The following CENPC variants were observed in gnomAD, a reference collection of about 807,000 sequenced individuals.
CENPC encodes CENP-C 1.
A neutral mutation model predicts 112.1 loss-of-function variants in CENPC; 63 were observed. The ratio of observed to expected loss-of-function variants is 0.56; its 90% CI spans 0.46 to 0.69. The LOEUF (loss-of-function observed/expected upper bound fraction) is 0.69, where lower values mean the gene tolerates loss of function less well. Ranked by LOEUF, CENPC falls within the 30% of genes least tolerant of loss-of-function variation. CENPC has a pLI of 0.00. For missense variants in CENPC, 1,000 were observed against 1,103.8 expected (o/e 0.91, Z 1.33); for synonymous variants, 333 against 367.6 (o/e 0.91, Z 1.08).
chr4:67,522,621 A>G (rs867710057), intron 5 of CENPC, among the ~76,000 whole-genome samples: 1 of 152,206 alleles, frequency 6.6e-6, no homozygotes, highest in Non-Finnish European at 1.5e-5. Context: ...AATCACATGT[A>G]TTACATATGC....
chr4:67,493,230 C>T (rs1179825052), intron 14 of CENPC, among the ~76,000 whole-genome samples: 1 of 151,376 alleles, frequency 6.6e-6, no homozygotes, highest in Non-Finnish European at 1.5e-5. Flanking sequence ...TCCTATTGCT[C>T]CCCTGAAATC....
chr4:67,543,499 T>A (rs1179180462), intron 2 of CENPC, among the ~76,000 whole-genome samples: 2 of 152,302 alleles, frequency 1.3e-5, no homozygotes, highest in East Asian at 3.9e-4. Flanking sequence ...GATACACAAG[T>A]CATTACTTCA....
intron 4 of CENPC, among the ~76,000 whole-genome samples, chr4:67,536,018 C>T (rs1578007368): frequency 6.6e-6 from 1 of 151,930 alleles, no homozygotes; most frequent in African/African-American, 2.4e-5. Flanking sequence ...AATCAATCTT[C>T]CAACAAATTA....
At chr4:67,476,670 T>C (rs896196645) in intron 17 of CENPC, among the ~76,000 whole-genome samples, 9 of 152,124 alleles carry the variant, frequency 5.9e-5, no homozygotes, top group African/African-American at 1.7e-4. Context: ...CTGGGCAGAA[T>C]TGGGGGAAGG....
In CENPC at chr4:67,514,182, T is replaced by C; in HGVS notation, c.1336A>G (p.Thr446Ala). Reference protein sequence around the residue: ...VGQSKDENIHTSHITQDEFQR... With the variant: ...VGQSKDENIHASHITQDEFQR... The stretch of plus-strand genomic sequence containing the variant: ...AATTCGTCTTGGGTAATATGTGATG[T>C]ATGTATGTTTTCATCTTTAGACTGT... Residue 446 changes from threonine to alanine, a missense_variant, in exon 8 of 19, where the codon ACA (threonine) becomes GCA (alanine). Transcript: ENST00000273853. The C allele has an allele frequency of 6.2e-7, 1 of 1,612,912 alleles. No individual in the cohort carries two copies.
At chr4:67,483,869 CAA>C (rs1279899127) in intron 17 of CENPC, among the ~76,000 whole-genome samples, 4 of 151,846 alleles carry the variant, frequency 2.6e-5, no homozygotes, top group Non-Finnish European at 4.4e-5. Flanking sequence ...TTAAGTATTA[CAA>C]AAGAGTCCAA....
intron 18 of CENPC, among the ~76,000 whole-genome samples, chr4:67,474,009 G>A (rs1234955069): frequency 6.6e-6 from 1 of 152,090 alleles, no homozygotes; most frequent in African/African-American, 2.4e-5. Context: ...AGATAACATG[G>A]GGTAAATAAT....
chr4:67,518,465 T>C (rs1726124668), intron 6 of CENPC, 97 bp from the exon 7 acceptor site: 4 of 1,255,390 alleles, frequency 3.2e-6, no homozygotes, highest in African/African-American at 3.1e-5. Flanking sequence ...ACAGACCAAT[T>C]TAAAATTCTG....
chr4:67,519,310 G>A lies in CENPC; in HGVS notation c.524C>T (p.Pro175Leu). Reference protein sequence around the residue: ...AKTSVSQNVIPSSAQKRETYT... With the variant: ...AKTSVSQNVILSSAQKRETYT... ...AGTCTCTCTCTTTTGGGCACTAGAT[G>A]GAATAACATTTTGTGATACAGATGT... Residue 175 changes from proline to leucine, a missense_variant, in exon 6 of 19, where the codon CCA becomes CTA. Physicochemically the swap from Pro to Leu is moderately conservative, Grantham distance 98. Transcript: ENST00000273853. 2 of 1,612,402 alleles carry A rather than the reference G, an allele frequency of 1.2e-6. No homozygotes were observed. The highest frequency in any genetic ancestry group is 8.5e-7 in the Non-Finnish European group (1 of 1,179,154).
At chr4:67,476,847 A>C (rs1375645822) in intron 17 of CENPC, among the ~76,000 whole-genome samples, 1 of 152,128 alleles carries the variant, frequency 6.6e-6, no homozygotes, top group Non-Finnish European at 1.5e-5. Flanking sequence ...TAGGAGTGAG[A>C]CTGGCCTAGC....
intron 17 of CENPC, among the ~76,000 whole-genome samples, chr4:67,479,479 T>C (rs1724895888): frequency 6.6e-6 from 1 of 152,094 alleles, no homozygotes; most frequent in Non-Finnish European, 1.5e-5. Context: ...GATTGTTGGG[T>C]CAACAATGAA....
intron 6 of CENPC, among the ~76,000 whole-genome samples, chr4:67,518,891 T>C (rs1402551658): frequency 6.6e-6 from 1 of 151,990 alleles, no homozygotes; most frequent in East Asian, 1.9e-4. Flanking sequence ...ACCCTTGAAG[T>C]GACCTGATAC....
chr4:67,480,042 G>A (rs912241602), intron 17 of CENPC, among the ~76,000 whole-genome samples: 4 of 152,148 alleles, frequency 2.6e-5, no homozygotes, highest in Non-Finnish European at 5.9e-5. Flanking sequence ...AGTCCAGGCC[G>A]GGTATAGTGG....
chr4:67,482,586 T>C (rs4597881), intron 17 of CENPC, among the ~76,000 whole-genome samples: 95,173 of 152,004 alleles, frequency 0.63, 30,026 homozygotes, highest in East Asian at 0.81. Flanking sequence ...AAATAATGGA[T>C]GGTATTTGCA....
chr4:67,484,727 T>C (rs1019193149), intron 17 of CENPC, among the ~76,000 whole-genome samples: 2 of 152,198 alleles, frequency 1.3e-5, no homozygotes, highest in Non-Finnish European at 2.9e-5. Flanking sequence ...TTTTCCTTAT[T>C]TTGTTTTTCC....
intron 9 of CENPC, among the ~76,000 whole-genome samples, chr4:67,510,033 TAC>T (rs1725852064): frequency 6.6e-6 from 1 of 152,062 alleles, no homozygotes; most frequent in Non-Finnish European, 1.5e-5. Context: ...ATGAACAATC[TAC>T]AGTTTCTCTA....
At chr4:67,472,727 T>C in intron 18 of CENPC, 52 bp from the exon 19 acceptor site, 1 of 1,423,878 alleles carries the variant, frequency 7.0e-7, no homozygotes, top group Non-Finnish European at 9.2e-7. Context: ...GAATCATTCT[T>C]TTTGATTAAG....
intron 12 of CENPC, among the ~76,000 whole-genome samples, chr4:67,498,679 C>T (rs1299906517): frequency 6.6e-6 from 1 of 152,212 alleles, no homozygotes; most frequent in Non-Finnish European, 1.5e-5. Context: ...TCTCCAGACT[C>T]CACTTCTAAT....
In CENPC at chr4:67,519,427, AT is replaced by A; in HGVS notation, c.406del (p.Ile136TyrfsTer6). 6.2e-7 allele frequency: 1 copy of A among 1,611,086 alleles called. No homozygotes were observed. Among genetic ancestry groups the A allele is most frequent in the Admixed American group, 1.7e-5 (1 of 59,806 alleles). On this transcript the variant is annotated frameshift_variant, in exon 6 of 19. Coordinates refer to ENST00000273853, the MANE Select transcript of CENPC (RefSeq NM_001812.4). LOFTEE classifies it high-confidence loss of function. ...SSKNTPDSKK[I>X]SSRNINDHHS... ...ATGATCATTTATGTTTCTACTTGAT[AT>A]TTTTTTCGAGTCAGGTGTATTTTTG...
Sources: gnomAD v4.1 joint callset for allele counts (sites outside exome capture counted in the v4.1 genomes callset) on GRCh38, gnomAD v4.1.1 for gene constraint, MANE v1.5 for transcripts, NCBI Gene and HGNC (gene_info 2026-07-23, HGNC 2026-07-21) for gene names.